Variants in PTPN14 observed in about 807,000 individuals in gnomAD.
PTPN14 encodes protein tyrosine phosphatase non-receptor type 14, also known as tyrosine-protein phosphatase non-receptor type 14.
A neutral mutation model predicts 126.8 loss-of-function variants in PTPN14; 53 were observed. The observed-to-expected ratio is 0.42, with a 90% CI of 0.34 to 0.53. The LOEUF is 0.53. Among genes scored for constraint, PTPN14 ranks in the 20% least tolerant of loss-of-function variants. The pLI is 0.08. For missense variants in PTPN14, 1,257 were observed against 1,552.9 expected (o/e 0.81, Z 3.20); for synonymous variants, 630 against 599.3 (o/e 1.05, Z -0.75).
chr1:214,495,663 TTTTATTTATTTATTTA>T (rs869249183), intron 1 of PTPN14, among the ~76,000 whole-genome samples: 55 of 3,636 alleles, frequency 0.015, 1 homozygote, highest in East Asian at 0.07. Flanking sequence ...ATTTTATTTT[TTTTATTTATTTATTTA>T]TTTATTTATT....
chr1:214,412,754 CCA>C (rs1201752473), intron 4 of PTPN14, among the ~76,000 whole-genome samples: 1 of 152,178 alleles, frequency 6.6e-6, no homozygotes, highest in Admixed American at 6.5e-5. Flanking sequence ...AAAAGGGAAT[CCA>C]GAGTAAGTTC....
At position 214,364,544 on chromosome 1, in the gene PTPN14, C is replaced by A. The variant is rs150646672; in HGVS notation, c.3403G>T (p.Glu1135Ter). 1.2e-6 allele frequency: 2 copies of A among 1,613,892 alleles called. No individual in the cohort carries two copies. The highest frequency in any genetic ancestry group is 1.7e-6 in the Non-Finnish European group (2 of 1,180,026). The change falls in exon 18 of 19, where the codon GAG becomes TAG. Residue 1135 changes from glutamate (E) to a stop codon, truncating the protein, a stop_gained. Coordinates refer to ENST00000366956, the MANE Select transcript of PTPN14 (RefSeq NM_005401.5). LOFTEE classifies it high-confidence loss of function. The surrounding 1 kb of genome is among the most constrained non-coding windows in gnomAD (Gnocchi z 4.1). ...TGTTCCAAGCAGTAGATCATCAGCT[C>A]AGAAAGAATGAGCACGCCGGTCCTT... is the stretch of plus-strand genomic sequence containing the variant. ...VGRTGVLILS[E>*]LMIYCLEHNE...
intron 7 of PTPN14, among the ~76,000 whole-genome samples, chr1:214,398,760 A>G (rs1195820675): frequency 1.4e-5 from 2 of 146,788 alleles, no homozygotes; most frequent in Admixed American, 6.8e-5. Flanking sequence ...TGAAATCACT[A>G]AAAGAGTAAA....
At chr1:214,378,421 A>AT (rs1161905785) in intron 13 of PTPN14, among the ~76,000 whole-genome samples, 4 of 152,272 alleles carry the variant, frequency 2.6e-5, no homozygotes, top group African/African-American at 9.6e-5. Flanking sequence ...CATGCGATAC[A>AT]CTTTAGAAAG....
At chr1:214,424,833 G>A (rs1052377628) in intron 3 of PTPN14, among the ~76,000 whole-genome samples, 1 of 152,184 alleles carries the variant, frequency 6.6e-6, no homozygotes, top group African/African-American at 2.4e-5. Context: ...GCAGGTGTGA[G>A]ACACCGTGCC....
At position 214,349,491 on chromosome 1, in the gene PTPN14, C is replaced by G. The variant is rs1406907570; in HGVS notation, c.*8431G>C. ...CCAAAATTCACAACATTTTGTGAAA[C>G]AAAGATCAAGGAAAGCATCAAAATA... On this transcript the variant is annotated 3_prime_UTR_variant, in exon 19 of 19. Transcript: ENST00000366956. 2 of 152,014 alleles carry G rather than the reference C, an allele frequency of 1.3e-5. No individual in the cohort carries two copies. Among genetic ancestry groups the G allele is most frequent in the Admixed American group, 1.3e-4 (2 of 15,260 alleles). The allele number at this position is 152,014 out of a possible 1,614,324, so 9.4% of individuals were successfully genotyped here. A position where few individuals can be genotyped will look rare whatever the true frequency, so the allele number is the denominator to read the frequency against.
chr1:214,434,944 G>A (rs748463808), intron 3 of PTPN14, among the ~76,000 whole-genome samples: 3 of 152,102 alleles, frequency 2.0e-5, no homozygotes, highest in Admixed American at 2.0e-4. Context: ...GATTTGTAAC[G>A]CCCTTATCCT....
chr1:214,514,676 T>C (rs566712078), intron 1 of PTPN14, among the ~76,000 whole-genome samples: 1 of 152,160 alleles, frequency 6.6e-6, no homozygotes, highest in African/African-American at 2.4e-5. Context: ...CTGAAAATAA[T>C]ACTGAGGATG....
intron 1 of PTPN14, among the ~76,000 whole-genome samples, chr1:214,505,359 G>A (rs1408420922): frequency 1.3e-5 from 2 of 152,126 alleles, no homozygotes; most frequent in Non-Finnish European, 2.9e-5. Context: ...ACGCTTCAAG[G>A]AGAAGGATCT....
chr1:214,497,073 C>A (rs1654542888), intron 1 of PTPN14, among the ~76,000 whole-genome samples: 1 of 151,508 alleles, frequency 6.6e-6, no homozygotes, highest in South Asian at 2.1e-4. Context: ...AATAAGTTAG[C>A]AAACAACAAC....
intron 2 of PTPN14, among the ~76,000 whole-genome samples, chr1:214,455,756 AC>A (rs976409060): frequency 1.3e-5 from 2 of 152,206 alleles, no homozygotes; most frequent in African/African-American, 4.8e-5. Flanking sequence ...AACACAGGAA[AC>A]ATACATTTAA....
At position 214,386,917 on chromosome 1, in the gene PTPN14, C is replaced by A. The variant is rs1314270911; in HGVS notation, c.993G>T (p.Arg331Ser). The A allele has an allele frequency of 1.2e-6, 2 of 1,602,100 alleles. No individual in the cohort carries two copies. The highest frequency in any genetic ancestry group is 2.7e-5 in the African/African-American group (2 of 74,602). ...QPTWSRSSLP[R>S]QQPYILPPVH... ...CGGGAGGCAGGATGTACGGCTGCTG[C>A]CTGGGCTGAAACAGAGAACACAGAG... The change falls in exon 12 of 19, where the codon AGG (arginine) becomes AGT (serine). Residue 331 changes from arginine (R) to serine (S), a missense_variant. Around this residue, in one of 3 missense-constraint regions of PTPN14, gnomAD observed 1,021 missense variants for 1,183.3 expected, o/e 0.86. Transcript: ENST00000366956.
At chr1:214,426,025 T>C (rs1192097193) in intron 3 of PTPN14, among the ~76,000 whole-genome samples, 8 of 5,722 alleles carry the variant, frequency 1.4e-3, no homozygotes, top group African/African-American at 2.8e-3. Context: ...ATCTGGAGCA[T>C]AAATCGCAAA....
chr1:214,363,724 G>A (rs1326810382), intron 18 of PTPN14, among the ~76,000 whole-genome samples: 1 of 152,132 alleles, frequency 6.6e-6, no homozygotes, highest in Non-Finnish European at 1.5e-5. Context: ...ACATGTTCAT[G>A]GCTCCTCTAC....
intron 16 of PTPN14, among the ~76,000 whole-genome samples, chr1:214,370,160 G>T (rs936106623): frequency 6.6e-6 from 1 of 151,922 alleles, no homozygotes; most frequent in African/African-American, 2.4e-5. Context: ...GGTGCCTGTA[G>T]TCCCAGCTGC....
intron 1 of PTPN14, among the ~76,000 whole-genome samples, chr1:214,488,078 G>A (rs1661154693): frequency 6.6e-6 from 1 of 152,140 alleles, no homozygotes; most frequent in South Asian, 2.1e-4. Flanking sequence ...ATGGCACAAG[G>A]GAGAAAGCAA....
intron 3 of PTPN14, among the ~76,000 whole-genome samples, chr1:214,440,692 A>G (rs1660019972): frequency 6.6e-6 from 1 of 152,262 alleles, no homozygotes; most frequent in South Asian, 2.1e-4. Flanking sequence ...ATGAAGAGAT[A>G]TGGGCTGACC....
intron 3 of PTPN14, among the ~76,000 whole-genome samples, chr1:214,432,998 G>C (rs1004495015): frequency 2.0e-5 from 3 of 152,072 alleles, no homozygotes; most frequent in Non-Finnish European, 2.9e-5. Context: ...CTGCCTCCCA[G>C]GTTCACACCA....
chr1:214,511,517 A>G (rs974353008), intron 1 of PTPN14, among the ~76,000 whole-genome samples: 2 of 152,096 alleles, frequency 1.3e-5, no homozygotes, highest in African/African-American at 4.8e-5. Flanking sequence ...AAAAGAAAAT[A>G]ACAAGTGTTG....
Sources: allele counts gnomAD v4.1 joint callset (sites outside exome capture counted in the v4.1 genomes callset), GRCh38; gene constraint gnomAD v4.1.1; regional missense constraint gnomAD v4.1.1; non-coding constraint Gnocchi (gnomAD v3.1); transcripts MANE v1.5; gene names NCBI Gene and HGNC (gene_info 2026-07-23, HGNC 2026-07-21).